The following NPSR1 variants were observed in gnomAD, a reference collection of about 807,000 sequenced individuals.
The protein encoded by NPSR1 is neuropeptide S receptor 1.
In NPSR1, 48 loss-of-function variants were observed where a neutral mutation model predicts 46.9. The observed-to-expected ratio is 1.02, with a 90% CI of 0.81 to 1.30. The LOEUF is 1.30. Among genes scored for constraint, NPSR1 ranks in the 50% most tolerant of loss-of-function variants. NPSR1 has a pLI of 0.00. For synonymous variants in NPSR1, 176 were observed against 168.1 expected (o/e 1.05, Z -0.36); for missense variants, 450 against 449.5 (o/e 1.00, Z -0.01).
downstream of NPSR1, among the ~76,000 whole-genome samples, chr7:34,851,508 AC>A (rs962562442): frequency 2.6e-5 from 4 of 152,144 alleles, no homozygotes; most frequent in African/African-American, 9.7e-5. Flanking sequence ...AACTTGAGCA[AC>A]CCTGGAAGCT....
chr7:34,669,177 G>A (rs1791910556), intron 1 of NPSR1, among the ~76,000 whole-genome samples: 1 of 152,136 alleles, frequency 6.6e-6, no homozygotes, highest in Non-Finnish European at 1.5e-5. Flanking sequence ...GTTGTCAGGG[G>A]AATATGAAAT....
chr7:34,852,514 T>G (rs1213782668), downstream of NPSR1, among the ~76,000 whole-genome samples: 1 of 151,978 alleles, frequency 6.6e-6, no homozygotes, highest in African/African-American at 2.4e-5. Context: ...ATCTCTGAGA[T>G]TGTGTCCAGA....
At chr7:34,807,156 G>C (rs1175362990) in intron 3 of NPSR1, among the ~76,000 whole-genome samples, 1 of 151,840 alleles carries the variant, frequency 6.6e-6, no homozygotes, top group Non-Finnish European at 1.5e-5. Flanking sequence ...TTTCCAAGTG[G>C]TATTTTTTAA....
chr7:34,751,601 G>A (rs879330328), intron 2 of NPSR1: 27 of 1,601,626 alleles, frequency 1.7e-5, no homozygotes, highest in South Asian at 5.5e-5. Context: ...AGAACTCGGC[G>A]CTGACAGAGC....
At chr7:34,788,518 T>C (rs1014528384) in intron 3 of NPSR1, among the ~76,000 whole-genome samples, 1 of 152,092 alleles carries the variant, frequency 6.6e-6, no homozygotes, top group Non-Finnish European at 1.5e-5. Flanking sequence ...TTGCTACATT[T>C]ACATCACATA....
chr7:34,772,750 G>T (rs534655658), intron 2 of NPSR1, among the ~76,000 whole-genome samples: 4 of 152,214 alleles, frequency 2.6e-5, no homozygotes, highest in Non-Finnish European at 5.9e-5. Flanking sequence ...TAACATCCCT[G>T]GCCCCATCCA....
At chr7:34,820,459 G>A (rs537620238) in intron 4 of NPSR1, among the ~76,000 whole-genome samples, 120 of 152,240 alleles carry the variant, frequency 7.9e-4, no homozygotes, top group Non-Finnish European at 1.5e-3. Flanking sequence ...AAATTGATGA[G>A]GCAGGGGAGA....
intron 8 of NPSR1, among the ~76,000 whole-genome samples, chr7:34,874,301 T>C (rs571064992): frequency 6.6e-6 from 1 of 152,324 alleles, no homozygotes; most frequent in African/African-American, 2.4e-5. Context: ...GTCAGGATCT[T>C]CTTGTAAGAA....
intron 2 of NPSR1, among the ~76,000 whole-genome samples, chr7:34,740,447 C>T (rs971308105): frequency 6.6e-5 from 10 of 151,812 alleles, no homozygotes; most frequent in East Asian, 5.8e-4. Context: ...GCAATTGTTA[C>T]GAAGTTCAGC....
chr7:34,728,949 C>T (rs1162594443), intron 2 of NPSR1: 1 of 152,432 alleles, frequency 6.6e-6, no homozygotes, highest in East Asian at 1.9e-4. Flanking sequence ...TCCTCCAGCT[C>T]CCAAGAGAAG....
intron 8 of NPSR1, among the ~76,000 whole-genome samples, chr7:34,859,701 G>A (rs904273810): frequency 1.3e-5 from 2 of 151,816 alleles, no homozygotes; most frequent in African/African-American, 4.9e-5. Flanking sequence ...GCTGCATCAT[G>A]AATCACTCAA....
intron 5 of NPSR1, among the ~76,000 whole-genome samples, chr7:34,830,451 T>C (rs1790064906): frequency 1.3e-5 from 2 of 152,262 alleles, no homozygotes; most frequent in South Asian, 4.1e-4. Flanking sequence ...TTTTTGTTTT[T>C]TTTAAAGTAC....
chr7:34,869,977 CT>C lies in NPSR1; in HGVS notation c.1026-8094del, dbSNP rs930037556. 2.8e-4 allele frequency among the ~76,000 whole-genome samples: 42 copies of C among 151,858 alleles called. 3 individuals are homozygous for C. Among genetic ancestry groups the C allele is most frequent in the African/African-American group, 9.7e-4 (40 of 41,146 alleles). On this transcript the variant is annotated intron_variant, in intron 8 of 8. Transcript: ENST00000359791. ...TCACTACAAATAAGCAGACACTAGG[CT>C]TTTTCTTTTTCAAGAACAGGTACGT... is the stretch of plus-strand genomic sequence containing the variant.
intron 1 of NPSR1, among the ~76,000 whole-genome samples, chr7:34,666,464 G>A (rs900740171): frequency 1.3e-4 from 20 of 152,018 alleles, no homozygotes; most frequent in African/African-American, 4.1e-4. Context: ...TGATGAAAGC[G>A]GAAAGATATT....
intron 3 of NPSR1, among the ~76,000 whole-genome samples, chr7:34,790,944 TC>T (rs1787771599): frequency 1.1e-4 from 14 of 123,522 alleles, no homozygotes; most frequent in Non-Finnish European, 1.9e-4. Context: ...ATATTATATA[TC>T]ATATATGTTA....
chr7:34,849,177 G>C, intron 8 of NPSR1: 1 of 629,550 alleles, frequency 1.6e-6, no homozygotes, highest in Admixed American at 2.6e-5. Context: ...AATTCCATAG[G>C]AGATACAAGA....
At chr7:34,670,665 C>T (rs1334083105) in intron 1 of NPSR1, among the ~76,000 whole-genome samples, 2 of 150,908 alleles carry the variant, frequency 1.3e-5, no homozygotes, top group Admixed American at 6.6e-5. Flanking sequence ...GTAAAGAGCC[C>T]TTGAGGGAAA....
intron 2 of NPSR1, among the ~76,000 whole-genome samples, chr7:34,759,000 C>T (rs1156854294): frequency 1.3e-5 from 2 of 152,116 alleles, no homozygotes; most frequent in African/African-American, 4.8e-5. Flanking sequence ...TGTGATGTTT[C>T]CTTCTGAATA....
intron 8 of NPSR1, among the ~76,000 whole-genome samples, chr7:34,869,255 C>T (rs1012359714): frequency 1.8e-4 from 28 of 151,532 alleles, no homozygotes; most frequent in Admixed American, 8.5e-4. Flanking sequence ...ACCAGGGAAG[C>T]GTGGATTAGA....
Sources: gnomAD v4.1 joint callset for allele counts (sites outside exome capture counted in the v4.1 genomes callset) on GRCh38, gnomAD v4.1.1 for gene constraint, MANE v1.5 for transcripts, NCBI Gene and HGNC (gene_info 2026-07-23, HGNC 2026-07-21) for gene names.